The following AGAP1 variants were observed in gnomAD, a reference collection of about 807,000 sequenced individuals.
AGAP1 encodes ArfGAP with GTPase domain, ankyrin repeat and PH domain 1, also known as arf-GAP with GTPase, ANK repeat and PH domain-containing protein 1.
AGAP1 carries 29 observed loss-of-function variants against 105.3 expected under a neutral mutation model. The ratio of observed to expected loss-of-function variants is 0.28; its 90% confidence interval spans 0.21 to 0.38. The LOEUF is 0.38. Among genes scored for constraint, AGAP1 ranks in the 10% least tolerant of loss-of-function variants. AGAP1 has a pLI of 1.00. For missense variants in AGAP1, 998 were observed against 1,165.1 expected, an observed-to-expected ratio of 0.86 and a Z score of 2.09; for synonymous variants, 509 against 485.9, an observed-to-expected ratio of 1.05 and a Z score of -0.63.
chr2:235,735,573 G>A (rs1952199780), intron 3 of AGAP1, among the ~76,000 whole-genome samples: 1 of 152,070 alleles, frequency 6.6e-6, no homozygotes, highest in East Asian at 1.9e-4. Flanking sequence ...CTTAGAAAAA[G>A]GTATTTAAAA....
At chr2:235,911,755 A>G (rs1222765583) in intron 11 of AGAP1, among the ~76,000 whole-genome samples, 3 of 152,242 alleles carry the variant, frequency 2.0e-5, no homozygotes, top group Non-Finnish European at 4.4e-5. Flanking sequence ...GGTTGCGACA[A>G]GATTGAAATC....
chr2:235,704,132 T>A (rs1297557854), intron 1 of AGAP1, among the ~76,000 whole-genome samples: 1 of 152,140 alleles, frequency 6.6e-6, no homozygotes, highest in Non-Finnish European at 1.5e-5. Flanking sequence ...CAGGGCCAGG[T>A]GGGAGAAGCA....
intron 8 of AGAP1, among the ~76,000 whole-genome samples, chr2:235,806,025 C>T (rs1002544421): frequency 4.6e-5 from 7 of 152,208 alleles, no homozygotes; most frequent in Admixed American, 4.6e-4. Flanking sequence ...TCCTTGTCCT[C>T]CTCCTTAATT....
rs75064991 is a variant in AGAP1, at chr2:235,875,301, A to G, written c.1051-8044A>G. On this transcript the variant is annotated intron_variant, in intron 9 of 17. Coordinates refer to ENST00000304032, the MANE Select transcript of AGAP1 (RefSeq NM_001037131.3). The surrounding 1 kb of genome is among the most constrained non-coding windows in gnomAD (Gnocchi z 4.0). ...TGTAATAAAATCGATGGTATTTTAA[A>G]TTGTTGGGATGAACAAGCACTTTGG... Among the ~76,000 whole-genome samples the G allele has an allele frequency of 0.032, 4,885 of 152,282 alleles. 251 individuals carry two copies. The highest frequency in any genetic ancestry group is 0.11 in the African/African-American group (4,634 of 41,550).
chr2:236,084,795 T>C (rs888790280), intron 16 of AGAP1, among the ~76,000 whole-genome samples: 1 of 151,770 alleles, frequency 6.6e-6, no homozygotes, highest in African/African-American at 2.4e-5. Flanking sequence ...TCCCAGCTAT[T>C]CGGGAGGCTG....
chr2:236,041,266 A>ATT (rs71039704), intron 15 of AGAP1, among the ~76,000 whole-genome samples: 3,344 of 148,144 alleles, frequency 0.023, 51 homozygotes, highest in East Asian at 0.058. Context: ...TCACTTGTTG[A>ATT]TTTTTTTTTT....
At position 235,963,709 on chromosome 2, in the gene AGAP1, T is replaced by C. The variant is rs868257594; in HGVS notation, c.1484-4753T>C. 6.6e-6 allele frequency among the ~76,000 whole-genome samples: 1 copy of C among 152,166 alleles called. No homozygotes were observed. The highest frequency in any genetic ancestry group is 6.5e-5 in the Admixed American group (1 of 15,282). Reference sequence around the variant, plus strand: ...GAAGCTCTATCTTGACTCCACCCTGTTCACCATCTTTTTCATTGATGTGGA... The same window carrying C: ...GAAGCTCTATCTTGACTCCACCCTGCTCACCATCTTTTTCATTGATGTGGA... On this transcript the variant is annotated intron_variant, in intron 12 of 17. Transcript: ENST00000304032. The surrounding 1 kb of genome is among the most constrained non-coding windows in gnomAD (Gnocchi z 5.1).
intron 9 of AGAP1, among the ~76,000 whole-genome samples, chr2:235,808,819 G>T (rs1957978666): frequency 6.6e-6 from 1 of 152,094 alleles, no homozygotes; most frequent in African/African-American, 2.4e-5. Context: ...AACAACAACA[G>T]AACTTTCCAC....
At position 235,801,400 on chromosome 2, in the gene AGAP1, A is replaced by G. The variant is rs1402163504; in HGVS notation, c.957+1878A>G. Among the ~76,000 whole-genome samples, 2 of 152,164 alleles carry G rather than the reference A, an allele frequency of 1.3e-5. No homozygotes were observed. The highest frequency in any genetic ancestry group is 2.9e-5 in the Non-Finnish European group (2 of 68,036). On this transcript the variant is annotated intron_variant, in intron 8 of 17. Coordinates refer to ENST00000304032, the MANE Select transcript of AGAP1 (RefSeq NM_001037131.3). The surrounding 1 kb of genome is among the most constrained non-coding windows in gnomAD (Gnocchi z 6.0). ...AAAATGATTTCTGATCGTGTTAAGC[A>G]TATGTGATAGATTAGGAGGTGGGTA...
intron 6 of AGAP1, among the ~76,000 whole-genome samples, chr2:235,790,062 G>A (rs1228007282): frequency 1.3e-5 from 2 of 152,122 alleles, no homozygotes; most frequent in Non-Finnish European, 2.9e-5. Flanking sequence ...GGTGGGAATC[G>A]GTAGATTTGG....
intron 1 of AGAP1, among the ~76,000 whole-genome samples, chr2:235,619,883 G>T (rs1946420662): frequency 6.6e-6 from 1 of 152,166 alleles, no homozygotes; most frequent in Admixed American, 6.5e-5. Context: ...GGTTTGTCCA[G>T]AGTGCGCAGC....
intron 16 of AGAP1, among the ~76,000 whole-genome samples, chr2:236,086,743 A>G (rs1370633920): frequency 6.6e-6 from 1 of 152,210 alleles, no homozygotes; most frequent in East Asian, 1.9e-4. Context: ...AAGGGAACGA[A>G]GTCATGGACC....
intron 6 of AGAP1, among the ~76,000 whole-genome samples, chr2:235,770,357 G>A (rs545498189): frequency 3.1e-4 from 47 of 151,964 alleles, no homozygotes; most frequent in African/African-American, 1.1e-3. Context: ...GGATGGTCTC[G>A]ATCTCCTGAC....
chr2:235,730,980 C>G (rs1170643345), intron 3 of AGAP1, among the ~76,000 whole-genome samples: 1 of 152,158 alleles, frequency 6.6e-6, no homozygotes, highest in Non-Finnish European at 1.5e-5. Context: ...AACCCCCAGC[C>G]CCTAGCCCGG....
chr2:235,504,637 G>A (rs190346262), intron 1 of AGAP1, among the ~76,000 whole-genome samples: 3 of 152,242 alleles, frequency 2.0e-5, no homozygotes, highest in African/African-American at 4.8e-5. Flanking sequence ...GTGTGTGCTG[G>A]GCTGTGTCTT....
chr2:235,637,395 C>T (rs549045981), intron 1 of AGAP1, among the ~76,000 whole-genome samples: 2 of 152,140 alleles, frequency 1.3e-5, no homozygotes, highest in East Asian at 1.9e-4. Flanking sequence ...ACCTCAGCCC[C>T]GCAAGTGACT....
chr2:235,671,000 G>A, intron 1 of AGAP1: 1 of 1,323,460 alleles, frequency 7.6e-7, no homozygotes, highest in Non-Finnish European at 9.6e-7. Context: ...CCTGCGGCGG[G>A]CCCCGGCCGA....
At chr2:235,507,190 A>C (rs948948912) in intron 1 of AGAP1, 2 of 152,658 alleles carry the variant, frequency 1.3e-5, no homozygotes, top group African/African-American at 4.8e-5. Flanking sequence ...ACAGTTGCCG[A>C]GTGTCCTGCG....
chr2:235,533,471 G>A (rs1943110323), intron 1 of AGAP1, among the ~76,000 whole-genome samples: 1 of 152,192 alleles, frequency 6.6e-6, no homozygotes, highest in African/African-American at 2.4e-5. Context: ...TGTATAGGAA[G>A]AAGCATGTCA....
Sources: gnomAD v4.1 joint callset for allele counts (sites outside exome capture counted in the v4.1 genomes callset) on GRCh38, gnomAD v4.1.1 for gene constraint, Gnocchi (gnomAD v3.1) non-coding constraint, MANE v1.5 for transcripts, NCBI Gene and HGNC (gene_info 2026-07-23, HGNC 2026-07-21) for gene names.